Variants in CCDC18 observed in about 807,000 individuals in gnomAD.
The protein encoded by CCDC18 is coiled-coil domain-containing protein 18.
CCDC18 carries 157 observed loss-of-function variants against 196.0 expected under a neutral mutation model. The ratio of observed to expected loss-of-function variants is 0.80; its 90% CI spans 0.70 to 0.91. The LOEUF (loss-of-function observed/expected upper bound fraction) is 0.91, where lower values mean the gene tolerates loss of function less well. CCDC18 is among the 40% of genes least tolerant of loss of function. CCDC18 has a pLI of 0.00. For synonymous variants in CCDC18, 482 were observed against 529.2 expected (o/e 0.91, Z 1.22); for missense variants, 1,465 against 1,611.6 (o/e 0.91, Z 1.56).
At chr1:93,227,570 T>C (rs1172971114) in intron 17 of CCDC18, among the ~76,000 whole-genome samples, 1 of 152,188 alleles carries the variant, frequency 6.6e-6, no homozygotes, top group Non-Finnish European at 1.5e-5. Context: ...TGGATAATCG[T>C]AATGAAGAAT....
intron 11 of CCDC18, 103 bp from the exon 12 acceptor site, chr1:93,214,640 G>A: frequency 1.4e-6 from 1 of 735,808 alleles, no homozygotes; most frequent in Non-Finnish European, 2.3e-6. Flanking sequence ...GTACTCTTTA[G>A]ATCAGAAACT....
intron 17 of CCDC18, among the ~76,000 whole-genome samples, chr1:93,231,764 G>T (rs1158638503): frequency 6.6e-6 from 1 of 152,102 alleles, no homozygotes; most frequent in African/African-American, 2.4e-5. Flanking sequence ...ATTCCTTTAT[G>T]TGTTTTTTTG....
Position 93,207,318 on chromosome 1 carries a change from C to G in CCDC18, c.1129C>G (p.Arg377Gly). 2 of 1,612,122 alleles carry G rather than the reference C, an allele frequency of 1.2e-6. No individual in the cohort carries two copies. Among genetic ancestry groups the G allele is most frequent in the Non-Finnish European group, 1.7e-6 (2 of 1,178,878 alleles). Reference protein sequence around the residue: ...LKVRVAAQNERLDLCQQEIES... With the variant: ...LKVRVAAQNEGLDLCQQEIES... ...GGTCCGTGTTGCAGCACAGAATGAG[C>G]GACTAGATTTATGTCAACAAGAAAT... The change falls in exon 9 of 29, where the codon CGA becomes GGA. Residue 377 changes from arginine to glycine, a missense_variant. Arg to Gly is a moderately radical substitution (Grantham distance 125). Transcript: ENST00000690025.
chr1:93,217,553 C>T lies in CCDC18; in HGVS notation c.1831-185C>T, dbSNP rs760617486. Among the ~76,000 whole-genome samples, 7 of 152,096 alleles carry T rather than the reference C, an allele frequency of 4.6e-5. No individual in the cohort carries two copies. In the South Asian group the frequency reaches 8.3e-4, roughly 18 times the overall value. ...GTGTCCTCCCAGGCTTCCCCCTGAG[C>T]GTCCCCAGAAGCTATGACCACAGGC... is the stretch of plus-strand genomic sequence containing the variant. On this transcript the variant is annotated intron_variant, in intron 13 of 28. Coordinates refer to ENST00000690025, the MANE Select transcript of CCDC18 (RefSeq NM_001378204.1).
At chr1:93,191,659 T>G (rs1277121448) in intron 4 of CCDC18, among the ~76,000 whole-genome samples, 1 of 152,206 alleles carries the variant, frequency 6.6e-6, no homozygotes, top group African/African-American at 2.4e-5. Context: ...CAATAAATAT[T>G]TTCTTTTATA....
In CCDC18 at chr1:93,258,897, T is replaced by C. The variant is rs757127715; in HGVS notation, c.3684+12T>C. 1.3e-5 allele frequency: 20 copies of C among 1,582,230 alleles called. No individual in the cohort carries two copies. The South Asian group carries it at 1.8e-4, about 14-fold the overall frequency. ...CTTATCATATGGAGGTAAAGAAAAATTTAATTTGTTTTGTTAGTGCCCACT... is the reference window on the plus strand; with the variant it reads ...CTTATCATATGGAGGTAAAGAAAAACTTAATTTGTTTTGTTAGTGCCCACT... On this transcript the variant is annotated intron_variant, in intron 26 of 28. Transcript: ENST00000690025.
chr1:93,268,042 T>A (rs542707207), intron 27 of CCDC18, among the ~76,000 whole-genome samples: 2 of 151,996 alleles, frequency 1.3e-5, no homozygotes, highest in Non-Finnish European at 2.9e-5. Context: ...AGGGCTACAG[T>A]AACCAAAACA....
At position 93,252,206 on chromosome 1, in the gene CCDC18, T is replaced by TA. The variant is rs201904772; in HGVS notation, c.3199-2256dup. 1.2e-3 allele frequency among the ~76,000 whole-genome samples: 182 copies of TA among 151,716 alleles called. 1 individual carries two copies. The highest frequency in any genetic ancestry group is 9.2e-3 in the South Asian group (44 of 4,804). On this transcript the variant is annotated intron_variant, in intron 23 of 28. Coordinates refer to ENST00000690025, the MANE Select transcript of CCDC18 (RefSeq NM_001378204.1). ...GTGCATGCTGCCACACCTGGCTAAT[T>TA]AAAAAAAAATTTATTTTAAGTGATG...
Position 93,246,849 on chromosome 1 carries a change from G to T in CCDC18, c.3093G>T (p.Leu1031Phe). The T allele has an allele frequency of 6.8e-7, 1 of 1,465,378 alleles. No homozygotes were observed. The highest frequency in any genetic ancestry group is 9.5e-7 in the Non-Finnish European group (1 of 1,055,104). 90.8% of individuals were successfully genotyped at this position (1,465,378 alleles called of 1,614,324 possible). Residue 1031 changes from leucine (L) to phenylalanine (F), a missense_variant, in exon 23 of 29, where the codon TTG becomes TTT. Transcript: ENST00000690025. ...AGGTTATTTTTTAGGTTACACATTTGGATATGACTATTCGTGAGCACAGAG... is the reference window on the plus strand; with the variant it reads ...AGGTTATTTTTTAGGTTACACATTTTGATATGACTATTCGTGAGCACAGAG... The part of the protein sequence containing the change: ...LKQRAAQVTH[L>F]DMTIREHRGE...
At chr1:93,237,137 G>T (rs1370714780) in intron 19 of CCDC18, among the ~76,000 whole-genome samples, 2 of 152,182 alleles carry the variant, frequency 1.3e-5, no homozygotes. Flanking sequence ...ATTGACAGGG[G>T]TCCTTTGTGC....
rs376705675 is a variant in CCDC18, at chr1:93,217,136, C to T, written c.1830+390C>T. On this transcript the variant is annotated intron_variant, in intron 13 of 28. Transcript: ENST00000690025. ...TATTTTCAGTAGAGACAGGTTTCAC[C>T]GTGTTAGCCAGGATGGTCTCATCTC... Among the ~76,000 whole-genome samples the T allele has an allele frequency of 6.2e-5, 8 of 128,766 alleles. No individual in the cohort carries two copies. The South Asian group carries it at 1.5e-3, about 24-fold the overall frequency. 84.5% of individuals were successfully genotyped at this position (128,766 alleles called of 152,430 possible). A position where few individuals can be genotyped will look rare whatever the true frequency, so the allele number is the denominator to read the frequency against.
At chr1:93,210,390 T>G (rs1318083537) in intron 9 of CCDC18, among the ~76,000 whole-genome samples, 1 of 152,208 alleles carries the variant, frequency 6.6e-6, no homozygotes, top group Non-Finnish European at 1.5e-5. Context: ...TTGTGTACCT[T>G]GTCAGATCCC....
chr1:93,216,691 T>G lies in CCDC18; in HGVS notation c.1775T>G (p.Ile592Arg). Residue 592 changes from isoleucine (I) to arginine (R), a missense_variant, in exon 13 of 29, where the codon ATA becomes AGA. Physicochemically the swap from Ile to Arg is moderately conservative, Grantham distance 97. Transcript: ENST00000690025. ...CTTGAGAAACAGCTGGAAGAAAAGA[T>G]AGTTGCTTATTCCTCTATTGCTGCA... ...LTLEKQLEEK[I>R]VAYSSIAAKN... is the part of the protein sequence containing the mutation. 1.9e-6 allele frequency: 3 copies of G among 1,589,366 alleles called. No individual in the cohort carries two copies. Among genetic ancestry groups the G allele is most frequent in the Non-Finnish European group, 1.7e-6 (2 of 1,170,404 alleles).
rs186696094 is a variant in CCDC18, at chr1:93,259,277, A to G, written c.3684+392A>G. Among the ~76,000 whole-genome samples the G allele has an allele frequency of 4.6e-5, 7 of 152,352 alleles. No homozygotes were observed. In the East Asian group the frequency reaches 1.2e-3, roughly 25 times the overall value. On this transcript the variant is annotated intron_variant, in intron 26 of 28. Coordinates refer to ENST00000690025, the MANE Select transcript of CCDC18 (RefSeq NM_001378204.1). Reference sequence around the variant, plus strand: ...TTTAATAACTGATATAAACCGTTTCATGTGATGTAAATCTATAATGCTTTG... The same window carrying G: ...TTTAATAACTGATATAAACCGTTTCGTGTGATGTAAATCTATAATGCTTTG...
chr1:93,223,978 C>G (rs1570436254), intron 16 of CCDC18, among the ~76,000 whole-genome samples: 1 of 151,730 alleles, frequency 6.6e-6, no homozygotes, highest in South Asian at 2.1e-4. Context: ...AGATGTTTAT[C>G]TGTATGAGAT....
chr1:93,226,594 C>T (rs574296130), intron 17 of CCDC18, 145 bp downstream of exon 17: 42 of 294,472 alleles, frequency 1.4e-4, no homozygotes, highest in East Asian at 5.9e-4. Context: ...AGTACAGTGT[C>T]GCAATCTTGG....
In CCDC18 at chr1:93,192,069, T is replaced by C; in HGVS notation, c.532T>C (p.Leu178=). 1 of 1,613,758 alleles carries C rather than the reference T, an allele frequency of 6.2e-7. No homozygotes were observed. The highest frequency in any genetic ancestry group is 2.2e-5 in the East Asian group (1 of 44,856). ...AATCTTAGAAGAACAGATTATAAAT[T>C]TGGAAGCAGAGGTTTCAGCTCAAGA... is the stretch of plus-strand genomic sequence containing the variant. ...VPILEEQIIN[L]EAEVSAQDKV... The change falls in exon 5 of 29, where the codon TTG becomes CTG. Residue 178 remains leucine (L), a synonymous_variant. Transcript: ENST00000690025.
Position 93,268,989 on chromosome 1 carries a change from C to T in CCDC18, c.3886-1358C>T, listed in dbSNP as rs532581887. Among the ~76,000 whole-genome samples the T allele has an allele frequency of 1.3e-4, 20 of 152,064 alleles. No homozygotes were observed. In the East Asian group the frequency reaches 1.9e-3, roughly 15 times the overall value. On this transcript the variant is annotated intron_variant, in intron 27 of 28. Coordinates refer to ENST00000690025, the MANE Select transcript of CCDC18 (RefSeq NM_001378204.1). ...GACACATGCACATGTATGTTTATTG[C>T]GGCACTATTCACAATAGGAAAGACT...
At chr1:93,249,797 A>G (rs139679531) in intron 23 of CCDC18, among the ~76,000 whole-genome samples, 10 of 152,300 alleles carry the variant, frequency 6.6e-5, no homozygotes, top group Admixed American at 2.0e-4. Flanking sequence ...TGCTTTTAAC[A>G]TGCACCTTTA....
Sources: gnomAD v4.1 joint callset for allele counts (sites outside exome capture counted in the v4.1 genomes callset) on GRCh38, gnomAD v4.1.1 for gene constraint, MANE v1.5 for transcripts, NCBI Gene and HGNC (gene_info 2026-07-23, HGNC 2026-07-21) for gene names.